UGT2A1: variants seen among roughly 807,000 people sequenced by gnomAD.
UGT2A1 encodes UDP glucuronosyltransferase family 2 member A1 complex locus, also known as UDP-glucuronosyltransferase 2A1.
Under a neutral mutation model 45.4 loss-of-function variants are expected in UGT2A1, and 61 were observed. The observed-to-expected ratio is 1.34, with a 90% CI of 1.09 to 1.66. The LOEUF is 1.66. Among genes scored for constraint, UGT2A1 ranks in the 40% most tolerant of loss-of-function variants. UGT2A1 has a pLI of 0.00. For missense variants in UGT2A1, 649 were observed against 574.3 expected (o/e 1.13, Z -1.33); for synonymous variants, 229 against 196.2 (o/e 1.17, Z -1.40).
intron 1 of UGT2A1, among the ~76,000 whole-genome samples, chr4:69,649,438 T>G (rs1578012254): frequency 6.6e-6 from 1 of 152,202 alleles, no homozygotes; most frequent in East Asian, 1.9e-4. Context: ...TCACTGATGT[T>G]ATTTTCTTCT....
At chr4:69,610,612 G>T (rs999490064) in intron 3 of UGT2A1, among the ~76,000 whole-genome samples, 1 of 152,108 alleles carries the variant, frequency 6.6e-6, no homozygotes, top group Non-Finnish European at 1.5e-5. Context: ...TGAAGATAAG[G>T]CCTTTAGAGA....
intron 3 of UGT2A1, among the ~76,000 whole-genome samples, chr4:69,601,127 G>A (rs1719262293): frequency 2.0e-5 from 3 of 152,196 alleles, no homozygotes; most frequent in African/African-American, 7.2e-5. Context: ...GGAGCCAGGT[G>A]AGGTTTACTT....
At chr4:69,603,657 T>C (rs1719428434) in intron 3 of UGT2A1, 1 of 135,552 alleles carries the variant, frequency 7.4e-6, no homozygotes, top group Non-Finnish European at 1.6e-5. Context: ...GCAAAGAGGT[T>C]AAAAACCTTG....
chr4:69,624,988 T>G (rs1277424497), intron 3 of UGT2A1, among the ~76,000 whole-genome samples: 1 of 146,148 alleles, frequency 6.8e-6, no homozygotes, highest in Non-Finnish European at 1.5e-5. Context: ...TTAATTTTCT[T>G]GGTTCTTGTA....
chr4:69,651,992 T>G (rs552514335), intron 1 of UGT2A1, among the ~76,000 whole-genome samples: 138 of 152,302 alleles, frequency 9.1e-4, no homozygotes, highest in South Asian at 6.0e-3. Context: ...CACTTGAGTC[T>G]CTTCCAAGTA....
At chr4:69,595,400 T>C (rs1238764858) in intron 4 of UGT2A1, 151 bp from the exon 5 acceptor site, 3 of 795,626 alleles carry the variant, frequency 3.8e-6, no homozygotes, top group Non-Finnish European at 5.9e-6. Context: ...GTAGTAGGAC[T>C]GTTTATATGT....
Position 69,596,496 on chromosome 4 carries a change from G to C in UGT2A1, c.997-1247C>G, listed in dbSNP as rs1577946786. On this transcript the variant is annotated intron_variant, in intron 4 of 6. Coordinates refer to ENST00000286604, the MANE Select transcript of UGT2A1 (RefSeq NM_001252275.3). ...TATATGTCAGAGAAACTGTTGAACT[G>C]TCTGTCTTCTGACATGTAGAAAGAT... The C allele has an allele frequency of 2.3e-6, 3 of 1,304,308 alleles. No homozygotes were observed. The South Asian group carries it at 6.7e-5, about 29-fold the overall frequency. 80.8% of individuals were successfully genotyped at this position (1,304,308 alleles called of 1,614,324 possible). A position where few individuals can be genotyped will look rare whatever the true frequency, so the allele number is the denominator to read the frequency against.
rs184187801 is a variant in UGT2A1 at position 69,589,454 on chromosome 4, G to C, written c.1502C>G (p.Thr501Arg). 1 of 1,613,750 alleles carries C rather than the reference G, an allele frequency of 6.2e-7. No individual in the cohort carries two copies. The highest frequency in any genetic ancestry group is 1.3e-5 in the African/African-American group (1 of 74,792). The change falls in exon 7 of 7, where the codon ACG becomes AGG. Residue 501 changes from threonine to arginine, a missense_variant. Coordinates refer to ENST00000286604, the MANE Select transcript of UGT2A1 (RefSeq NM_001252275.3). ...ACATTGTATGACCAAAAATATAGCCGTTGTCACACAGACCAGCAAGAACCC... is the reference window on the plus strand; with the variant it reads ...ACATTGTATGACCAAAAATATAGCCCTTGTCACACAGACCAGCAAGAACCC... ...VIGFLLVCVTTAIFLVIQCCL... is the reference protein window; with the variant it reads ...VIGFLLVCVTRAIFLVIQCCL...
intron 6 of UGT2A1, among the ~76,000 whole-genome samples, chr4:69,592,624 T>C (rs1287208555): frequency 6.6e-6 from 1 of 152,026 alleles, no homozygotes; most frequent in Non-Finnish European, 1.5e-5. Context: ...AATAATAAAT[T>C]TACTAATTTG....
At chr4:69,594,302 T>A (rs1438160445) in intron 6 of UGT2A1, among the ~76,000 whole-genome samples, 175 bp downstream of exon 6, 1 of 152,136 alleles carries the variant, frequency 6.6e-6, no homozygotes, top group African/African-American at 2.4e-5. Flanking sequence ...ATTTTCTTAT[T>A]TTTCTGATTT....
chr4:69,627,431 G>C (rs1212073153), intron 3 of UGT2A1, among the ~76,000 whole-genome samples: 2 of 150,586 alleles, frequency 1.3e-5, no homozygotes, highest in Admixed American at 6.7e-5. Flanking sequence ...TTCCAAATAA[G>C]AAATATTTTT....
chr4:69,638,539 C>G (rs1305314693), intron 2 of UGT2A1, among the ~76,000 whole-genome samples: 1 of 152,100 alleles, frequency 6.6e-6, no homozygotes, highest in Admixed American at 6.6e-5. Context: ...ACAAAGGAGG[C>G]ATGGTAAATC....
At chr4:69,622,158 G>C (rs1017804520) in intron 3 of UGT2A1, among the ~76,000 whole-genome samples, 1 of 151,544 alleles carries the variant, frequency 6.6e-6, no homozygotes, top group South Asian at 2.1e-4. Flanking sequence ...GAACCAAAAG[G>C]TTTTTATTTT....
intron 6 of UGT2A1, among the ~76,000 whole-genome samples, chr4:69,593,031 A>G (rs912094564): frequency 1.3e-5 from 2 of 152,164 alleles, no homozygotes; most frequent in Non-Finnish European, 2.9e-5. Context: ...ATATAGCACA[A>G]TTTAAACTGG....
intron 3 of UGT2A1, among the ~76,000 whole-genome samples, chr4:69,607,439 C>A (rs111766920): frequency 6.6e-6 from 1 of 150,844 alleles, no homozygotes; most frequent in South Asian, 2.1e-4. Context: ...TAAAGACTTA[C>A]ATGTTAGACC....
intron 3 of UGT2A1, among the ~76,000 whole-genome samples, chr4:69,609,990 G>A (rs1232417898): frequency 6.6e-6 from 1 of 152,108 alleles, no homozygotes; most frequent in Non-Finnish European, 1.5e-5. Context: ...ATAGAATGTT[G>A]AGGAAATAAC....
chr4:69,592,941 A>C (rs142467656), intron 6 of UGT2A1, among the ~76,000 whole-genome samples: 275 of 152,242 alleles, frequency 1.8e-3, no homozygotes, highest in African/African-American at 6.4e-3. Context: ...TGAGTTTCTG[A>C]ATTTTAAAAA....
At position 69,647,336 on chromosome 4, in the gene UGT2A1, G is replaced by T. The variant is rs1722320695; in HGVS notation, c.309C>A (p.Thr103=). 6.2e-7 allele frequency: 1 copy of T among 1,613,282 alleles called. No homozygotes were observed. The highest frequency in any genetic ancestry group is 8.5e-7 in the Non-Finnish European group (1 of 1,179,536). Residue 103 remains threonine (T), a synonymous_variant, in exon 2 of 7, where the codon ACC becomes ACA. Transcript: ENST00000286604. The stretch of plus-strand genomic sequence containing the variant: ...CCATCTCCTGATAGAATCTCCAAAT[G>T]GTTGAAGGAGATGGTCTATTTTCCA... ...TWLENRPSPS[T]IWRFYQEMAK... is the part of the protein sequence containing the mutation.
chr4:69,642,917 C>T (rs141196135), intron 2 of UGT2A1, among the ~76,000 whole-genome samples: 1 of 151,308 alleles, frequency 6.6e-6, no homozygotes, highest in African/African-American at 2.4e-5. Flanking sequence ...TTACATTTTT[C>T]TCCCCTTAAA....
Sources: allele counts gnomAD v4.1 joint callset (sites outside exome capture counted in the v4.1 genomes callset), GRCh38; gene constraint gnomAD v4.1.1; transcripts MANE v1.5; gene names NCBI Gene and HGNC (gene_info 2026-07-23, HGNC 2026-07-21).